Variants in GRM1 observed in about 807,000 individuals in gnomAD.
The protein encoded by GRM1 is glutamate metabotropic receptor 1.
A neutral mutation model predicts 90.9 loss-of-function variants in GRM1; 33 were observed. The observed-to-expected ratio is 0.36, with a 90% CI of 0.28 to 0.49. The LOEUF (loss-of-function observed/expected upper bound fraction) is 0.49, where lower values mean the gene tolerates loss of function less well. Ranked by LOEUF, GRM1 falls within the 20% of genes least tolerant of loss-of-function variation. The pLI is 0.99. For missense variants in GRM1, 1,190 were observed against 1,534.3 expected, an observed-to-expected ratio of 0.78 and a Z score of 3.75; for synonymous variants, 700 against 613.2, an observed-to-expected ratio of 1.14 and a Z score of -2.09.
At chr6:146,379,810 G>T (rs941520349) in intron 5 of GRM1, among the ~76,000 whole-genome samples, 3 of 152,072 alleles carry the variant, frequency 2.0e-5, no homozygotes, top group African/African-American at 7.2e-5. Flanking sequence ...GTAACACTGT[G>T]GTTGTTGCAG....
At chr6:146,047,575 GAAAAA>G (rs5880663) in intron 1 of GRM1, among the ~76,000 whole-genome samples, 1 of 139,186 alleles carries the variant, frequency 7.2e-6, no homozygotes, top group African/African-American at 2.6e-5. Flanking sequence ...CATGCCTCAG[GAAAAA>G]AAAAAAAAAA....
intron 1 of GRM1, among the ~76,000 whole-genome samples, chr6:146,071,187 A>G (rs1776006788): frequency 6.6e-6 from 1 of 152,148 alleles, no homozygotes; most frequent in Admixed American, 6.5e-5. Context: ...TCACTTAAGT[A>G]TAGTCTTTGT....
intron 2 of GRM1, among the ~76,000 whole-genome samples, chr6:146,226,655 A>G (rs1314983227): frequency 6.6e-6 from 1 of 152,124 alleles, no homozygotes; most frequent in Non-Finnish European, 1.5e-5. Context: ...CCGCTTCTGT[A>G]TTTGTGTTCT....
At chr6:146,417,392 C>G (rs1333942421) in intron 7 of GRM1, among the ~76,000 whole-genome samples, 1 of 152,156 alleles carries the variant, frequency 6.6e-6, no homozygotes, top group African/African-American at 2.4e-5. Context: ...TGATCCCTCC[C>G]TTTTATATTA....
chr6:146,096,750 A>T (rs1457533090), intron 1 of GRM1, among the ~76,000 whole-genome samples: 2 of 152,140 alleles, frequency 1.3e-5, no homozygotes, highest in Non-Finnish European at 2.9e-5. Flanking sequence ...TCATAGGAAC[A>T]TGCTTGAGTA....
At chr6:146,431,324 C>A (rs726714) in intron 7 of GRM1, among the ~76,000 whole-genome samples, 97,153 of 152,020 alleles carry the variant, frequency 0.64, 32,839 homozygotes, top group African/African-American at 0.88. Context: ...GAACTAAATT[C>A]TGATTATATC....
At chr6:146,375,081 A>G (rs1398888211) in intron 5 of GRM1, among the ~76,000 whole-genome samples, 1 of 151,936 alleles carries the variant, frequency 6.6e-6, no homozygotes, top group East Asian at 1.9e-4. Flanking sequence ...TTTTATTATA[A>G]TTCATTTCAA....
At chr6:146,314,962 C>T (rs1354496206) in intron 3 of GRM1, among the ~76,000 whole-genome samples, 1 of 152,240 alleles carries the variant, frequency 6.6e-6, no homozygotes, top group Admixed American at 6.5e-5. Context: ...GCCTCTTACC[C>T]AAAGTTAAAA....
At chr6:146,084,198 A>G (rs894435100) in intron 1 of GRM1, among the ~76,000 whole-genome samples, 3 of 151,396 alleles carry the variant, frequency 2.0e-5, no homozygotes, top group African/African-American at 7.3e-5. Context: ...TCCTGGATTC[A>G]TTGATTTTTT....
chr6:146,138,735 T>G (rs962158013), intron 1 of GRM1, among the ~76,000 whole-genome samples: 2 of 152,116 alleles, frequency 1.3e-5, no homozygotes, highest in African/African-American at 4.8e-5. Flanking sequence ...TGCTTTTTTT[T>G]AGTATGTCTA....
chr6:146,119,064 G>A lies in GRM1; in HGVS notation c.701-40284G>A, dbSNP rs559475921. Among the ~76,000 whole-genome samples, 180 of 152,294 alleles carry A rather than the reference G, an allele frequency of 1.2e-3. 1 individual carries two copies. Among genetic ancestry groups the A allele is most frequent in the African/African-American group, 3.9e-3 (162 of 41,560 alleles). ...TAGTTTACAGTCCCACCAACAGTGT[G>A]AAAGTGTTCCTGTTTCTCCACATCC... On this transcript the variant is annotated intron_variant, in intron 1 of 7. Transcript: ENST00000282753.
At position 146,109,794 on chromosome 6, in the gene GRM1, T is replaced by C. The variant is rs2128873368; in HGVS notation, c.701-49554T>C. Among the ~76,000 whole-genome samples the C allele has an allele frequency of 1.3e-5, 2 of 152,292 alleles. 1 individual carries two copies. The highest frequency in any genetic ancestry group is 3.9e-4 in the East Asian group (2 of 5,170). ...ACAGGGGTGGAGCTGCCCAAGACCA[T>C]GGGAACCCCTGTCATGCATCAGCGT... On this transcript the variant is annotated intron_variant, in intron 1 of 7. Transcript: ENST00000282753.
chr6:146,203,721 A>G (rs565438135), intron 2 of GRM1, among the ~76,000 whole-genome samples: 2 of 152,290 alleles, frequency 1.3e-5, no homozygotes, highest in East Asian at 3.9e-4. Context: ...TTACTTAACC[A>G]TTGTTTAACA....
At chr6:146,141,026 A>G (rs1776859848) in intron 1 of GRM1, among the ~76,000 whole-genome samples, 1 of 152,178 alleles carries the variant, frequency 6.6e-6, no homozygotes, top group Non-Finnish European at 1.5e-5. Flanking sequence ...TCTCAGATTG[A>G]AGAACTCCCT....
chr6:146,283,136 A>G (rs1782635139), intron 2 of GRM1, among the ~76,000 whole-genome samples: 1 of 152,202 alleles, frequency 6.6e-6, no homozygotes, highest in Non-Finnish European at 1.5e-5. Context: ...ACTTGAGCCC[A>G]ATGCATAGCA....
intron 1 of GRM1, among the ~76,000 whole-genome samples, chr6:146,148,132 T>A (rs1426497327): frequency 1.3e-5 from 2 of 152,208 alleles, no homozygotes; most frequent in Admixed American, 6.5e-5. Flanking sequence ...TATGAGCGGT[T>A]CAATTCCCTT....
At chr6:146,220,725 C>T (rs1435387355) in intron 2 of GRM1, among the ~76,000 whole-genome samples, 5 of 152,008 alleles carry the variant, frequency 3.3e-5, no homozygotes, top group African/African-American at 1.2e-4. Flanking sequence ...GACACTGTCC[C>T]TGTCCTCATA....
chr6:146,406,850 C>T lies in GRM1; in HGVS notation c.2660+7151C>T, dbSNP rs571847877. On this transcript the variant is annotated intron_variant, in intron 7 of 7. Transcript: ENST00000282753. ...ACTCCATCTCCAAAACAACAACAAA[C>T]AACAACAACAAAAAGAATAAAGGAG... Among the ~76,000 whole-genome samples the T allele has an allele frequency of 2.6e-5, 4 of 151,936 alleles. No homozygotes were observed. The East Asian group carries it at 5.8e-4, about 22-fold the overall frequency.
At chr6:146,151,241 A>C (rs73571275) in intron 1 of GRM1, among the ~76,000 whole-genome samples, 9,114 of 152,266 alleles carry the variant, frequency 0.06, 314 homozygotes, top group African/African-American at 0.08. Context: ...TCCAAAGGAA[A>C]ACCATTTATT....
Sources: allele counts gnomAD v4.1 joint callset (sites outside exome capture counted in the v4.1 genomes callset), GRCh38; gene constraint gnomAD v4.1.1; transcripts MANE v1.5; gene names NCBI Gene and HGNC (gene_info 2026-07-23, HGNC 2026-07-21).